FAM168A: variants seen among roughly 807,000 people sequenced by gnomAD.
FAM168A encodes the protein protein FAM168A.
FAM168A carries 3 observed loss-of-function variants against 28.5 expected under a neutral mutation model. The observed-to-expected ratio is 0.11, with a 90% CI of 0.05 to 0.27. The LOEUF (loss-of-function observed/expected upper bound fraction) is 0.27, where lower values mean the gene tolerates loss of function less well. Among genes scored for constraint, FAM168A ranks in the 10% least tolerant of loss-of-function variants. FAM168A has a pLI of 1.00. For synonymous variants in FAM168A, 122 were observed against 124.2 expected (o/e 0.98, Z 0.12); for missense variants, 222 against 311.5 (o/e 0.71, Z 2.16).
chr11:73,576,455 A>T (rs1302897612), intron 1 of FAM168A, among the ~76,000 whole-genome samples: 1 of 152,234 alleles, frequency 6.6e-6, no homozygotes, highest in Non-Finnish European at 1.5e-5. Flanking sequence ...CAGCCATCAG[A>T]TAAATGGTTT....
intron 2 of FAM168A, among the ~76,000 whole-genome samples, chr11:73,434,512 A>C (rs1867055255): frequency 6.6e-6 from 1 of 152,202 alleles, no homozygotes; most frequent in African/African-American, 2.4e-5. Context: ...TAGACAAAAC[A>C]GTCAGTGCAA....
chr11:73,509,337 G>A (rs1590823406), intron 1 of FAM168A, among the ~76,000 whole-genome samples: 1 of 152,158 alleles, frequency 6.6e-6, no homozygotes, highest in Non-Finnish European at 1.5e-5. Flanking sequence ...CTCCAAGGAT[G>A]GCTTAAGAAT....
intron 5 of FAM168A, chr11:73,410,372 C>T (rs1476259257): frequency 6.6e-6 from 1 of 151,484 alleles, no homozygotes; most frequent in Non-Finnish European, 1.5e-5. Flanking sequence ...CACGCCACTG[C>T]ACTCCAGCCT....
At chr11:73,411,320 C>T in intron 5 of FAM168A, 74 bp downstream of exon 5, 1 of 1,495,290 alleles carries the variant, frequency 6.7e-7, no homozygotes, top group Non-Finnish European at 9.0e-7. Flanking sequence ...CACTTCCTCA[C>T]CCTACCCCAC....
At chr11:73,529,383 A>G (rs1943488346) in intron 1 of FAM168A, among the ~76,000 whole-genome samples, 1 of 152,202 alleles carries the variant, frequency 6.6e-6, no homozygotes, top group Non-Finnish European at 1.5e-5. Flanking sequence ...CATCTGTAAA[A>G]TGGATTTTAA....
chr11:73,427,192 G>A (rs539335663), intron 3 of FAM168A, among the ~76,000 whole-genome samples: 10 of 151,926 alleles, frequency 6.6e-5, no homozygotes, highest in East Asian at 3.9e-4. Flanking sequence ...AGCGTTTCAC[G>A]GTGTTAGCCA....
intron 1 of FAM168A, among the ~76,000 whole-genome samples, chr11:73,554,096 C>A (rs1943860329): frequency 6.6e-6 from 1 of 152,052 alleles, no homozygotes; most frequent in Non-Finnish European, 1.5e-5. Context: ...AAGACTGAGG[C>A]CAGGCGCAGT....
At chr11:73,479,395 T>C (rs1216202133) in intron 1 of FAM168A, among the ~76,000 whole-genome samples, 1 of 140,728 alleles carries the variant, frequency 7.1e-6, no homozygotes, top group African/African-American at 2.5e-5. Context: ...AAATATGTCA[T>C]TTGATCTATG....
In FAM168A at chr11:73,449,140, A is replaced by C. The variant is rs79910329; in HGVS notation, c.71-18370T>G. On this transcript the variant is annotated intron_variant, in intron 2 of 7. Transcript: ENST00000356467. ...ACAGGTGTGCGCCACCTAATTTAAA[A>C]ATTTTTTTTTGGAGAGCCAGGGTCT... Among the ~76,000 whole-genome samples, 891 of 151,950 alleles carry C rather than the reference A, an allele frequency of 5.9e-3. 8 individuals carry two copies. The highest frequency in any genetic ancestry group is 0.027 in the Middle Eastern group (8 of 294).
chr11:73,542,429 T>C (rs1427946828), intron 1 of FAM168A, among the ~76,000 whole-genome samples: 1 of 152,196 alleles, frequency 6.6e-6, no homozygotes, highest in Non-Finnish European at 1.5e-5. Context: ...ACTTTCATAA[T>C]CCTCATCTAA....
intron 3 of FAM168A, among the ~76,000 whole-genome samples, chr11:73,428,549 C>G (rs980070244): frequency 2.0e-5 from 3 of 152,176 alleles, no homozygotes; most frequent in Non-Finnish European, 4.4e-5. Context: ...TTTGCAACAA[C>G]TCATTTTGTT....
chr11:73,590,790 TA>T (rs1944371847), intron 1 of FAM168A, among the ~76,000 whole-genome samples: 1 of 152,172 alleles, frequency 6.6e-6, no homozygotes, highest in Non-Finnish European at 1.5e-5. Flanking sequence ...CTTTTTTTTT[TA>T]AACAGCTCCT....
Position 73,407,708 on chromosome 11 carries a change from G to A in FAM168A, c.596-65C>T, listed in dbSNP as rs1866532706. The A allele has an allele frequency of 1.6e-5, 22 of 1,342,354 alleles. No individual in the cohort carries two copies. The South Asian group carries it at 2.6e-4, about 16-fold the overall frequency. The allele number at this position is 1,342,354 out of a possible 1,614,324, so 83.2% of individuals were successfully genotyped here. On this transcript the variant is annotated intron_variant, in intron 6 of 7. Transcript: ENST00000356467. ...CACCAGACACAGGAATGAAGAGGATGAAGCTACAGTCTTTCACATGGCTGC... is the reference window on the plus strand; with the variant it reads ...CACCAGACACAGGAATGAAGAGGATAAAGCTACAGTCTTTCACATGGCTGC...
At chr11:73,451,712 A>G (rs1327093752) in intron 2 of FAM168A, among the ~76,000 whole-genome samples, 1 of 152,270 alleles carries the variant, frequency 6.6e-6, no homozygotes, top group Non-Finnish European at 1.5e-5. Context: ...AGCCTAGGCT[A>G]TACCACATAG....
chr11:73,489,548 T>C (rs974724347), intron 1 of FAM168A, among the ~76,000 whole-genome samples: 2 of 151,646 alleles, frequency 1.3e-5, no homozygotes, highest in Non-Finnish European at 2.9e-5. Context: ...TTTTGCTCTT[T>C]TGCCCAGGCT....
chr11:73,571,576 G>A (rs1220957146), intron 1 of FAM168A, among the ~76,000 whole-genome samples: 1 of 152,026 alleles, frequency 6.6e-6, no homozygotes, highest in African/African-American at 2.4e-5. Context: ...GGAGTGCAGT[G>A]GTGTGATCTC....
chr11:73,452,866 C>G (rs983834056), intron 2 of FAM168A, among the ~76,000 whole-genome samples: 1 of 151,604 alleles, frequency 6.6e-6, no homozygotes. Context: ...TACAGGAACT[C>G]CTATGGTTAC....
At chr11:73,492,479 A>G (rs1468911373) in intron 1 of FAM168A, among the ~76,000 whole-genome samples, 2 of 152,156 alleles carry the variant, frequency 1.3e-5, no homozygotes, top group Admixed American at 1.3e-4. Flanking sequence ...TCTACAAAAA[A>G]AATTTCAAAA....
chr11:73,498,260 G>A (rs1022515529), intron 1 of FAM168A, among the ~76,000 whole-genome samples: 13 of 152,150 alleles, frequency 8.5e-5, no homozygotes. Flanking sequence ...GTGACCCATG[G>A]AGAAAAGGAA....
Sources: gnomAD v4.1 joint callset for allele counts (sites outside exome capture counted in the v4.1 genomes callset) on GRCh38, gnomAD v4.1.1 for gene constraint, MANE v1.5 for transcripts, NCBI Gene and HGNC (gene_info 2026-07-23, HGNC 2026-07-21) for gene names.